PCDH9: variants seen among roughly 807,000 people sequenced by gnomAD.
PCDH9 encodes the protein protocadherin-9.
A neutral mutation model predicts 70.6 loss-of-function variants in PCDH9; 24 were observed. That is an observed-to-expected ratio of 0.34 (90% CI 0.25 to 0.48). PCDH9 has a LOEUF of 0.48. PCDH9 is among the 20% of genes least tolerant of loss of function. The probability of loss-of-function intolerance (pLI) is 0.99; values close to 1 mark genes in which losing one functional copy is unlikely to be tolerated. For synonymous variants in PCDH9, 562 were observed against 558.5 expected, an observed-to-expected ratio of 1.01 and a Z score of -0.09; for missense variants, 1,281 against 1,503.6, an observed-to-expected ratio of 0.85 and a Z score of 2.45.
At chr13:67,082,655 C>G (rs567714598) in intron 2 of PCDH9, among the ~76,000 whole-genome samples, 1 of 152,170 alleles carries the variant, frequency 6.6e-6, no homozygotes, top group East Asian at 1.9e-4. Context: ...AAAATTGCAC[C>G]AATTGTTTTA....
intron 4 of PCDH9, among the ~76,000 whole-genome samples, chr13:66,400,851 C>G (rs1163527570): frequency 6.6e-6 from 1 of 152,058 alleles, no homozygotes; most frequent in Admixed American, 6.5e-5. Flanking sequence ...TAGTGGATTC[C>G]AAGACTCTTC....
At chr13:66,419,525 C>T (rs151005483) in intron 4 of PCDH9, among the ~76,000 whole-genome samples, 1,937 of 151,816 alleles carry the variant, frequency 0.013, 43 homozygotes, top group African/African-American at 0.045. Context: ...CAGAGTGGGG[C>T]GTTGCCTCAC....
intron 4 of PCDH9, among the ~76,000 whole-genome samples, chr13:66,516,527 A>G (rs1473482716): frequency 2.0e-5 from 3 of 152,106 alleles, no homozygotes; most frequent in Non-Finnish European, 1.5e-5. Context: ...TTTGTAAAGG[A>G]TGAACGGGGA....
At chr13:66,704,126 T>C (rs1441648788) in intron 3 of PCDH9, among the ~76,000 whole-genome samples, 1 of 152,228 alleles carries the variant, frequency 6.6e-6, no homozygotes, top group East Asian at 1.9e-4. Flanking sequence ...TATTTACTTT[T>C]GTGTACTCAG....
At chr13:66,969,658 T>C (rs1165091084) in intron 2 of PCDH9, among the ~76,000 whole-genome samples, 1 of 152,048 alleles carries the variant, frequency 6.6e-6, no homozygotes, top group African/African-American at 2.4e-5. Context: ...CTTTATACTA[T>C]TTGTTACCCA....
intron 4 of PCDH9, among the ~76,000 whole-genome samples, chr13:66,338,278 T>C (rs575882423): frequency 2.0e-5 from 3 of 152,050 alleles, no homozygotes; most frequent in Non-Finnish European, 2.9e-5. Context: ...ATGTCTATAT[T>C]ACAACAATCC....
At chr13:67,055,250 A>G (rs1430927740) in intron 2 of PCDH9, among the ~76,000 whole-genome samples, 1 of 152,234 alleles carries the variant, frequency 6.6e-6, no homozygotes, top group Non-Finnish European at 1.5e-5. Flanking sequence ...TATAAGAGTA[A>G]TAGATCCTAT....
intron 2 of PCDH9, among the ~76,000 whole-genome samples, chr13:67,149,874 TC>T (rs948421077): frequency 3.9e-5 from 6 of 152,098 alleles, no homozygotes; most frequent in African/African-American, 1.4e-4. Context: ...GTATTTTTAA[TC>T]CCCATTTTGC....
rs114021201 is a variant in PCDH9 at position 67,179,962 on chromosome 13, T to C, written c.3036+45443A>G. ...AGAAATGTATGATCTGTATTTCAGG[T>C]ACCCAAGGTAACTCCAACCTAAAGT... On this transcript the variant is annotated intron_variant, in intron 2 of 4. Coordinates refer to ENST00000377865, the MANE Select transcript of PCDH9 (RefSeq NM_203487.3). Among the ~76,000 whole-genome samples, 1,196 of 152,280 alleles carry C rather than the reference T, an allele frequency of 7.9e-3. 20 individuals are homozygous for C. Among genetic ancestry groups the C allele is most frequent in the African/African-American group, 0.027 (1,140 of 41,566 alleles).
chr13:67,187,816 G>A (rs1406953709), intron 2 of PCDH9, among the ~76,000 whole-genome samples: 1 of 152,014 alleles, frequency 6.6e-6, no homozygotes, highest in Non-Finnish European at 1.5e-5. Context: ...TGAGGTACAT[G>A]TGATATTTTG....
chr13:66,814,072 A>G (rs2139366997), intron 3 of PCDH9, among the ~76,000 whole-genome samples: 1 of 152,330 alleles, frequency 6.6e-6, no homozygotes, highest in East Asian at 1.9e-4. Flanking sequence ...TAGCTTATCC[A>G]CTGGGGACAG....
intron 3 of PCDH9, among the ~76,000 whole-genome samples, chr13:66,780,211 T>G (rs2079975914): frequency 6.6e-6 from 1 of 152,140 alleles, no homozygotes. Context: ...TCACGCTGTA[T>G]ACCTTAACTG....
intron 4 of PCDH9, among the ~76,000 whole-genome samples, chr13:66,562,320 C>A (rs1022280488): frequency 6.6e-6 from 1 of 152,104 alleles, no homozygotes; most frequent in Non-Finnish European, 1.5e-5. Context: ...ATCATTAAAC[C>A]TTTAGAGCTC....
rs559828698 is a variant in PCDH9, at chr13:66,420,732, C to A, written c.3341-115704G>T. Among the ~76,000 whole-genome samples, 13 of 152,176 alleles carry A rather than the reference C, an allele frequency of 8.5e-5. 1 individual carries two copies. In the South Asian group the frequency reaches 2.3e-3, roughly 27 times the overall value. On this transcript the variant is annotated intron_variant, in intron 4 of 4. Transcript: ENST00000377865. ...TAAATCCATGAAGATGAGGAAAAAC[C>A]AGCACAAAAAGCTGAAAATTCCAAA...
At chr13:67,079,036 G>A (rs759604025) in intron 2 of PCDH9, among the ~76,000 whole-genome samples, 13 of 152,010 alleles carry the variant, frequency 8.6e-5, no homozygotes, top group African/African-American at 1.9e-4. Flanking sequence ...AAGGCCAGAC[G>A]CAGTGGCTCA....
At chr13:66,374,914 T>C (rs771285222) in intron 4 of PCDH9, among the ~76,000 whole-genome samples, 1 of 152,074 alleles carries the variant, frequency 6.6e-6, no homozygotes, top group South Asian at 2.1e-4. Flanking sequence ...AATGTTCTCA[T>C]TGAGGACAAT....
At chr13:66,538,883 G>A (rs186787589) in intron 4 of PCDH9, among the ~76,000 whole-genome samples, 11 of 152,032 alleles carry the variant, frequency 7.2e-5, no homozygotes, top group East Asian at 1.9e-4. Context: ...AATATTTGAC[G>A]GAAGATTATT....
chr13:66,972,825 C>T (rs2083548562), intron 2 of PCDH9, among the ~76,000 whole-genome samples: 1 of 152,000 alleles, frequency 6.6e-6, no homozygotes, highest in South Asian at 2.1e-4. Context: ...GAAATTTTAA[C>T]TCTATGACTC....
At chr13:66,553,931 T>C (rs1469054305) in intron 4 of PCDH9, among the ~76,000 whole-genome samples, 2 of 152,148 alleles carry the variant, frequency 1.3e-5, no homozygotes, top group South Asian at 4.2e-4. Context: ...TCCATTTACA[T>C]AGAGTTCATA....
Sources: allele counts gnomAD v4.1 joint callset (sites outside exome capture counted in the v4.1 genomes callset), GRCh38; gene constraint gnomAD v4.1.1; transcripts MANE v1.5; gene names NCBI Gene and HGNC (gene_info 2026-07-23, HGNC 2026-07-21).